SLC36A2: variants seen among roughly 807,000 people sequenced by gnomAD.
SLC36A2 encodes proton-coupled amino acid transporter 2.
Under a neutral mutation model 42.7 loss-of-function variants are expected in SLC36A2, and 39 were observed. The ratio of observed to expected loss-of-function variants is 0.91; its 90% CI spans 0.71 to 1.19. The LOEUF is 1.19. Among genes scored for constraint, SLC36A2 ranks in the 50% most tolerant of loss-of-function variants. The pLI, the probability that SLC36A2 is intolerant of heterozygous loss-of-function variation, is 0.00. For missense variants in SLC36A2, 590 were observed against 613.7 expected (o/e 0.96, Z 0.41); for synonymous variants, 237 against 240.8 (o/e 0.98, Z 0.15).
chr5:151,341,466 A>T (rs1019782602), intron 4 of SLC36A2, among the ~76,000 whole-genome samples: 2 of 152,202 alleles, frequency 1.3e-5, no homozygotes, highest in Non-Finnish European at 2.9e-5. Flanking sequence ...ACAGTTCAAA[A>T]GAGAATTTGA....
chr5:151,318,152 CT>C (rs2127282120), intron 9 of SLC36A2, among the ~76,000 whole-genome samples: 1 of 152,266 alleles, frequency 6.6e-6, no homozygotes, highest in African/African-American at 2.4e-5. Context: ...GACAAAGTTT[CT>C]TTCTGCAGCT....
Position 151,316,904 on chromosome 5 carries a change from A to G in SLC36A2, c.1365T>C (p.Phe455=). 6.2e-7 allele frequency: 1 copy of G among 1,614,134 alleles called. No homozygotes were observed. Among genetic ancestry groups the G allele is most frequent in the East Asian group, 2.2e-5 (1 of 44,872 alleles). The part of the protein sequence containing the change: ...ALISILGFVG[F]VVGTYQALDE... ...CCAGGGCCTGGTAGGTCCCCACCAC[A>G]AAGCCCACGAAGCCCAGGATGCTGA... Residue 455 remains phenylalanine, a synonymous_variant, in exon 10 of 10, where the codon TTT becomes TTC. Coordinates refer to ENST00000335244, the MANE Select transcript of SLC36A2 (RefSeq NM_181776.3).
chr5:151,347,538 T>C lies in SLC36A2; in HGVS notation c.-78A>G. On this transcript the variant is annotated 5_prime_UTR_variant, in exon 1 of 10. Coordinates refer to ENST00000335244, the MANE Select transcript of SLC36A2 (RefSeq NM_181776.3). ...GAGGGAAGCAGGAAGGTGTCTAGTGTAGATGTACACCCCAGCACAGTGGTG... is the reference window on the plus strand; with the variant it reads ...GAGGGAAGCAGGAAGGTGTCTAGTGCAGATGTACACCCCAGCACAGTGGTG... 6.4e-7 allele frequency: 1 copy of C among 1,554,310 alleles called. No homozygotes were observed. Among genetic ancestry groups the C allele is most frequent in the Non-Finnish European group, 8.8e-7 (1 of 1,132,058 alleles).
intron 7 of SLC36A2, among the ~76,000 whole-genome samples, chr5:151,327,140 T>C (rs1163466685): frequency 6.6e-6 from 1 of 152,186 alleles, no homozygotes; most frequent in Non-Finnish European, 1.5e-5. Context: ...TGTAGAGAAT[T>C]ACACAAGCAC....
chr5:151,343,680 GC>G lies in SLC36A2; in HGVS notation c.256-83del, dbSNP rs1333810575. ...AATACTGCAAGATGGGCTTGGTAGT[GC>G]TGATATCATGCAGAACTCAAAGAAC... On this transcript the variant is annotated intron_variant, in intron 2 of 9. Transcript: ENST00000335244. 3.1e-6 allele frequency: 4 copies of G among 1,270,988 alleles called. No homozygotes were observed. The Middle Eastern group carries it at 5.6e-4, about 177-fold the overall frequency. 78.7% of individuals were successfully genotyped at this position (1,270,988 alleles called of 1,614,324 possible).
chr5:151,333,424 G>A, intron 6 of SLC36A2, 102 bp from the exon 7 acceptor site: 1 of 974,798 alleles, frequency 1.0e-6, no homozygotes. Context: ...TTTTAAAATT[G>A]AATATCAAGA....
At chr5:151,321,973 C>T (rs565097996) in intron 9 of SLC36A2, 73 bp downstream of exon 9, 142 of 1,592,252 alleles carry the variant, frequency 8.9e-5, no homozygotes, top group African/African-American at 1.7e-4. Flanking sequence ...CCAATGCATC[C>T]GGCCCATCTG....
At chr5:151,344,959 C>A (rs921615045) in intron 1 of SLC36A2, among the ~76,000 whole-genome samples, 3 of 152,224 alleles carry the variant, frequency 2.0e-5, no homozygotes, top group South Asian at 2.1e-4. Context: ...AGGGATTGGG[C>A]TCCAGAGGGA....
rs59043414 is a variant in SLC36A2 at position 151,315,840 on chromosome 5, T to C, written c.*977A>G. The stretch of plus-strand genomic sequence containing the variant: ...AATTAAGAGGTAAAGTCTATTCAAA[T>C]AATATTCATGTTCACTCCTCATCCC... On this transcript the variant is annotated 3_prime_UTR_variant, in exon 10 of 10. Coordinates refer to ENST00000335244, the MANE Select transcript of SLC36A2 (RefSeq NM_181776.3). 0.14 allele frequency: 21,734 copies of C among 152,262 alleles called. 1,969 individuals carry two copies. Among genetic ancestry groups the C allele is most frequent in the East Asian group, 0.4 (2,059 of 5,158 alleles). 9.4% of individuals were successfully genotyped at this position (152,262 alleles called of 1,614,324 possible).
rs370038873 is a variant in SLC36A2, at chr5:151,344,428, A to G, written c.165-161T>C. Among the ~76,000 whole-genome samples, 15 of 152,322 alleles carry G rather than the reference A, an allele frequency of 9.8e-5. No individual in the cohort carries two copies. The East Asian group carries it at 2.1e-3, about 22-fold the overall frequency. Reference sequence around the variant, plus strand: ...ATCTGGGTCTCCTGTAGGGTTACCAACCATCCCAGTTTGCCCAGAACTGTC... The same window carrying G: ...ATCTGGGTCTCCTGTAGGGTTACCAGCCATCCCAGTTTGCCCAGAACTGTC... On this transcript the variant is annotated intron_variant, in intron 1 of 9. Transcript: ENST00000335244.
intron 6 of SLC36A2, among the ~76,000 whole-genome samples, chr5:151,333,816 T>C (rs2127293736): frequency 6.6e-6 from 1 of 152,116 alleles, no homozygotes; most frequent in East Asian, 1.9e-4. Context: ...CCAGCCTGGG[T>C]GAAAGAGCGA....
chr5:151,328,601 G>A (rs1044466706), intron 7 of SLC36A2, among the ~76,000 whole-genome samples: 1 of 152,176 alleles, frequency 6.6e-6, no homozygotes, highest in African/African-American at 2.4e-5. Flanking sequence ...CAGCATTCTG[G>A]TGTATCAGTG....
chr5:151,325,724 C>T (rs922942675), intron 7 of SLC36A2, among the ~76,000 whole-genome samples: 9 of 152,176 alleles, frequency 5.9e-5, no homozygotes, highest in Admixed American at 5.2e-4. Context: ...TTGTCTCATG[C>T]TAACCCACGG....
chr5:151,343,209 G>A (rs1756397021), intron 3 of SLC36A2, among the ~76,000 whole-genome samples: 1 of 152,130 alleles, frequency 6.6e-6, no homozygotes, highest in South Asian at 2.1e-4. Flanking sequence ...TGCACACCTT[G>A]CACGGGGACG....
intron 1 of SLC36A2, among the ~76,000 whole-genome samples, chr5:151,345,449 T>C (rs770615372): frequency 1.3e-5 from 2 of 152,200 alleles, no homozygotes; most frequent in Non-Finnish European, 2.9e-5. Context: ...TTTAAAAGAA[T>C]CTATGGGCAG....
intron 7 of SLC36A2, chr5:151,332,560 A>G: frequency 2.5e-6 from 1 of 394,434 alleles, no homozygotes; most frequent in African/African-American, 2.1e-5. Context: ...TGATGTGTGC[A>G]ACAGCATGGA....
chr5:151,347,161 A>G (rs1170850968), intron 1 of SLC36A2, 136 bp downstream of exon 1: 3 of 1,051,924 alleles, frequency 2.9e-6, no homozygotes, highest in Non-Finnish European at 4.4e-6. Context: ...GACTCAGCCC[A>G]TGACTGCACC....
intron 7 of SLC36A2, among the ~76,000 whole-genome samples, chr5:151,332,114 G>C (rs1223858406): frequency 6.6e-6 from 1 of 152,052 alleles, no homozygotes; most frequent in Non-Finnish European, 1.5e-5. Context: ...TGATCTGCCT[G>C]CCTCGGCCTC....
chr5:151,347,012 A>G (rs775888981), intron 1 of SLC36A2, among the ~76,000 whole-genome samples: 3 of 152,182 alleles, frequency 2.0e-5, no homozygotes, highest in Non-Finnish European at 4.4e-5. Flanking sequence ...CCAGCACTGA[A>G]TTCTAGCCCT....
Sources: allele counts gnomAD v4.1 joint callset (sites outside exome capture counted in the v4.1 genomes callset), GRCh38; gene constraint gnomAD v4.1.1; transcripts MANE v1.5; gene names NCBI Gene and HGNC (gene_info 2026-07-23, HGNC 2026-07-21).